ZC4H2: variants seen among roughly 807,000 people sequenced by gnomAD.
ZC4H2 encodes zinc finger C4H2 domain-containing protein.
For missense variants in ZC4H2, 137 were observed against 173.9 expected (o/e 0.79, Z 1.19); for synonymous variants, 84 against 66.3 (o/e 1.27, Z -1.30).
intron 1 of ZC4H2, among the ~76,000 whole-genome samples, chrX:65,024,119 C>T (rs866762090): frequency 9.4e-6 from 1 of 106,597 alleles, no homozygotes; most frequent in Non-Finnish European, 1.9e-5. Flanking sequence ...GGTGGGGGGG[C>T]ACTAGGGGAG....
intron 1 of ZC4H2, among the ~76,000 whole-genome samples, chrX:64,970,807 A>T (rs1931757416): frequency 8.9e-6 from 1 of 112,149 alleles, no homozygotes; most frequent in African/African-American, 3.2e-5. Flanking sequence ...TATATAAAAC[A>T]GTAAGAACTT....
intron 1 of ZC4H2, among the ~76,000 whole-genome samples, chrX:64,966,586 G>A (rs1050127956): frequency 2.7e-5 from 3 of 112,038 alleles, no homozygotes; most frequent in Non-Finnish European, 5.6e-5. Context: ...CCCAAAATGT[G>A]CGATATCCAT....
intron 1 of ZC4H2, among the ~76,000 whole-genome samples, chrX:64,936,087 T>C (rs886351806): frequency 8.2e-5 from 9 of 109,640 alleles, no homozygotes; most frequent in Admixed American, 9.8e-5. Context: ...AATGACCTGA[T>C]GGGGATAAAA....
At chrX:65,003,961 C>A (rs1932606164) in intron 1 of ZC4H2, among the ~76,000 whole-genome samples, 2 of 111,549 alleles carry the variant, frequency 1.8e-5, no homozygotes, top group Non-Finnish European at 3.8e-5. Flanking sequence ...ATAAACACCT[C>A]TATGCAAATA....
At chrX:64,958,620 T>C (rs1265962252) in intron 1 of ZC4H2, among the ~76,000 whole-genome samples, 2 of 111,457 alleles carry the variant, frequency 1.8e-5, no homozygotes, top group Non-Finnish European at 3.8e-5. Flanking sequence ...TGAATAGCCT[T>C]GTACCTGTCT....
chrX:64,919,918 A>G, intron 3 of ZC4H2, 163 bp downstream of exon 3: 1 of 448,898 alleles, frequency 2.2e-6, no homozygotes, highest in Non-Finnish European at 3.5e-6. Flanking sequence ...GCCCAAGATC[A>G]CACAGTGAGT....
At chrX:64,962,562 A>G (rs1313344889) in intron 1 of ZC4H2, among the ~76,000 whole-genome samples, 1 of 111,768 alleles carries the variant, frequency 8.9e-6, no homozygotes, top group African/African-American at 3.2e-5. Flanking sequence ...TAGACAAGAA[A>G]ATGAAATAAA....
chrX:64,997,334 G>A (rs928706253), intron 1 of ZC4H2, among the ~76,000 whole-genome samples: 2 of 112,104 alleles, frequency 1.8e-5, no homozygotes, highest in Non-Finnish European at 3.8e-5. Context: ...CCACCCCTAT[G>A]AGAAAACATA....
chrX:64,920,378 C>T (rs1456458120), intron 2 of ZC4H2, 125 bp from the exon 3 acceptor site: 3 of 676,425 alleles, frequency 4.4e-6, no homozygotes, highest in Non-Finnish European at 4.2e-6. Flanking sequence ...CCTTGATCTC[C>T]CATGCCCTCT....
chrX:64,940,875 A>G (rs192415077), intron 1 of ZC4H2, among the ~76,000 whole-genome samples: 1 of 112,095 alleles, frequency 8.9e-6, no homozygotes, highest in Non-Finnish European at 1.9e-5. Flanking sequence ...TGTCTTTGCT[A>G]TACGGGCTCT....
chrX:64,917,101 CAA>C lies in ZC4H2; in HGVS notation c.*680_*681del, dbSNP rs1225510693. 3 of 111,827 alleles carry C rather than the reference CAA, an allele frequency of 2.7e-5. No individual in the cohort carries two copies. The highest frequency in any genetic ancestry group is 9.8e-5 in the African/African-American group (3 of 30,633). 9.2% of individuals were successfully genotyped at this position (111,827 alleles called of 1,213,427 possible). ...TGTGGAAATCTTCTACTAGAATTTG[CAA>C]AGACTAGATATTGGGGAAAGGTTCA... On this transcript the variant is annotated 3_prime_UTR_variant, in exon 5 of 5. Transcript: ENST00000374839.
chrX:64,925,570 C>T lies in ZC4H2; in HGVS notation c.54-3582G>A, dbSNP rs145771869. ...AGGGGTAAGAGGGTATCTCCCATTGCCATTTAATAGAAATCAGCATAGTGC... is the reference window on the plus strand; with the variant it reads ...AGGGGTAAGAGGGTATCTCCCATTGTCATTTAATAGAAATCAGCATAGTGC... On this transcript the variant is annotated intron_variant, in intron 1 of 4. Transcript: ENST00000374839. 8.6e-3 allele frequency among the ~76,000 whole-genome samples: 960 copies of T among 111,881 alleles called. 14 individuals carry two copies. The highest frequency in any genetic ancestry group is 0.03 in the African/African-American group (908 of 30,723).
Position 64,976,325 on chromosome X carries a change from C to T in ZC4H2, c.53G>A (p.Arg18Lys), listed in dbSNP as rs1057520299. ...GGGAGGGGGACAACGTGCCACTTAC[C>T]TGATCTCTTTAATGCTTTCCAATTT... Reference protein sequence around the residue: ...MCKLESIKEIRNKTLQMEKIK... With the variant: ...MCKLESIKEIKNKTLQMEKIK... The change falls in exon 1 of 5, where the codon AGG becomes AAG. Residue 18 changes from arginine (R) to lysine (K), a missense_variant and splice_region_variant. Physicochemically the swap from Arg to Lys is conservative, Grantham distance 26. Transcript: ENST00000374839. The T allele has an allele frequency of 8.3e-7, 1 of 1,209,679 alleles. No individual in the cohort carries two copies. Among genetic ancestry groups the T allele is most frequent in the Admixed American group, 2.2e-5 (1 of 45,815 alleles).
At chrX:64,944,141 C>CTTTT (rs746540220) in intron 1 of ZC4H2, among the ~76,000 whole-genome samples, 2 of 89,175 alleles carry the variant, frequency 2.2e-5, no homozygotes, top group African/African-American at 8.7e-5. Context: ...TTTCTTTTTT[C>CTTTT]TTTTTTTTTT....
At chrX:64,941,942 T>C (rs914519465) in intron 1 of ZC4H2, among the ~76,000 whole-genome samples, 2 of 112,234 alleles carry the variant, frequency 1.8e-5, no homozygotes, top group South Asian at 7.4e-4. Context: ...TTTTCTACTG[T>C]TTGGAATAGT....
intron 1 of ZC4H2, among the ~76,000 whole-genome samples, chrX:65,017,470 GT>G (rs2147289532): frequency 8.9e-6 from 1 of 112,505 alleles, no homozygotes; most frequent in East Asian, 2.8e-4. Flanking sequence ...ACCACTCTAA[GT>G]ATTAAGTTTC....
chrX:64,968,328 T>C (rs1423303809), intron 1 of ZC4H2, among the ~76,000 whole-genome samples: 1 of 111,680 alleles, frequency 9.0e-6, no homozygotes, highest in Non-Finnish European at 1.9e-5. Context: ...GCGTTGTAAA[T>C]CTGATCACCT....
At chrX:64,942,500 G>T (rs1355295180) in intron 1 of ZC4H2, among the ~76,000 whole-genome samples, 1 of 61,669 alleles carries the variant, frequency 1.6e-5, no homozygotes, top group Non-Finnish European at 2.9e-5. Flanking sequence ...CCCCCCAACA[G>T]GTCCTGGTGT....
At chrX:64,949,250 C>T (rs190827434) in intron 1 of ZC4H2, among the ~76,000 whole-genome samples, 4 of 111,784 alleles carry the variant, frequency 3.6e-5, no homozygotes, top group Admixed American at 9.6e-5. Context: ...TTTTTCTTTG[C>T]CTTTTGAATA....
Sources: gnomAD v4.1 joint callset for allele counts (sites outside exome capture counted in the v4.1 genomes callset) on GRCh38, gnomAD v4.1.1 for gene constraint, MANE v1.5 for transcripts, NCBI Gene and HGNC (gene_info 2026-07-23, HGNC 2026-07-21) for gene names.